The following KCNC4 variants were observed in gnomAD, a reference collection of about 807,000 sequenced individuals.
KCNC4 encodes the protein potassium voltage-gated channel subfamily C member 4.
In KCNC4, 23 loss-of-function variants were observed where a neutral mutation model predicts 42.8. The observed-to-expected ratio is 0.54, with a 90% CI of 0.39 to 0.76. The LOEUF (loss-of-function observed/expected upper bound fraction) is 0.76. Among genes scored for constraint, KCNC4 ranks in the 30% least tolerant of loss-of-function variants. The pLI is 0.00. For synonymous variants in KCNC4, 422 were observed against 393.5 expected, an observed-to-expected ratio of 1.07 and a Z score of -0.86; for missense variants, 751 against 898.2, an observed-to-expected ratio of 0.84 and a Z score of 2.10.
chr1:110,250,911 A>G (rs2603587), downstream of KCNC4, among the ~76,000 whole-genome samples: 109,192 of 152,132 alleles, frequency 0.72, 39,430 homozygotes, highest in African/African-American at 0.75. Flanking sequence ...GGACTGCCTT[A>G]AAGCCCTGGC....
intron 1 of KCNC4, among the ~76,000 whole-genome samples, chr1:110,216,769 C>A (rs1294793577): frequency 6.6e-6 from 1 of 152,154 alleles, no homozygotes; most frequent in Non-Finnish European, 1.5e-5. Context: ...CTTGCCATGA[C>A]CTCTGGCCCT....
chr1:110,257,431 A>G (rs1164511158), intron 1 of KCNC4, among the ~76,000 whole-genome samples: 5 of 151,638 alleles, frequency 3.3e-5, no homozygotes, highest in Admixed American at 3.3e-4. Flanking sequence ...AAAAAAGTCC[A>G]GGGACCGGGT....
Position 110,212,002 on chromosome 1 carries a change from G to T in KCNC4, c.503G>T (p.Gly168Val), listed in dbSNP as rs1657489677. The change falls in exon 1 of 4, where the codon GGC becomes GTC. Residue 168 changes from glycine (G) to valine (V), a missense_variant. Transcript: ENST00000438661. ...LDIFESPDGGGSGAGPSDEAG... is the reference protein window; with the variant it reads ...LDIFESPDGGVSGAGPSDEAG... ...ATCTTCGAGAGCCCGGACGGAGGCG[G>T]CAGCGGCGCGGGGCCCAGCGACGAG... The T allele has an allele frequency of 1.2e-6, 2 of 1,606,480 alleles. No individual in the cohort carries two copies. Among genetic ancestry groups the T allele is most frequent in the Non-Finnish European group, 1.7e-6 (2 of 1,177,666 alleles).
rs997411202 is a variant in KCNC4 at position 110,210,586 on chromosome 1, C to T, written c.-914C>T. On this transcript the variant is annotated 5_prime_UTR_variant, in exon 1 of 4. Transcript: ENST00000438661. The stretch of plus-strand genomic sequence containing the variant: ...AAGCCTGCAGGTGTCCTTGGCCGCT[C>T]GGCCGCCGCCCCCGGTACACCTTCG... 6.6e-6 allele frequency among the ~76,000 whole-genome samples: 1 copy of T among 151,584 alleles called. No individual in the cohort carries two copies. Among genetic ancestry groups the T allele is most frequent in the Admixed American group, 6.6e-5 (1 of 15,228 alleles).
intron 1 of KCNC4, among the ~76,000 whole-genome samples, chr1:110,258,805 G>T (rs1460353327): frequency 2.0e-5 from 3 of 152,138 alleles, no homozygotes; most frequent in Non-Finnish European, 4.4e-5. Flanking sequence ...AGCAGAAGTG[G>T]TGAATCCTCC....
chr1:110,265,709 C>G (rs1659531217), intron 1 of KCNC4, among the ~76,000 whole-genome samples: 1 of 152,198 alleles, frequency 6.6e-6, no homozygotes, highest in African/African-American at 2.4e-5. Context: ...GAACTCAGAG[C>G]CAGGGAAGAG....
chr1:110,253,460 T>A (rs74583595), downstream of KCNC4, among the ~76,000 whole-genome samples: 1 of 152,118 alleles, frequency 6.6e-6, no homozygotes, highest in Non-Finnish European at 1.5e-5. Context: ...ACAAACAGAG[T>A]GTTGAATAAA....
chr1:110,228,929 G>C (rs1658552810), intron 3 of KCNC4: 1 of 152,104 alleles, frequency 6.6e-6, no homozygotes, highest in Non-Finnish European at 1.5e-5. Flanking sequence ...TCCCCATATT[G>C]GCCTCTTCCT....
At position 110,223,045 on chromosome 1, in the gene KCNC4, G is replaced by T; in HGVS notation, c.760G>T (p.Asp254Tyr). Residue 254 changes from aspartate to tyrosine, a missense_variant, in exon 2 of 4, where the codon GAC (aspartate) becomes TAC (tyrosine). Physicochemically the swap from Asp to Tyr is radical, Grantham distance 160. Transcript: ENST00000438661. The surrounding 1 kb of genome is among the most constrained non-coding windows in gnomAD (Gnocchi z 7.5). ...CLETHEAFNI[D>Y]RNVTEILRVG... ...GGAGACCCATGAGGCCTTTAATATC[G>T]ACCGCAACGTGACAGAGATCCTCCG... The T allele has an allele frequency of 6.2e-7, 1 of 1,613,968 alleles. No individual in the cohort carries two copies. Among genetic ancestry groups the T allele is most frequent in the Non-Finnish European group, 8.5e-7 (1 of 1,180,020 alleles).
intron 1 of KCNC4, among the ~76,000 whole-genome samples, chr1:110,218,028 T>G (rs1469193166): frequency 1.3e-5 from 2 of 152,194 alleles, no homozygotes; most frequent in Non-Finnish European, 2.9e-5. Context: ...CAATTTTCCC[T>G]TCTCCTACAC....
intron 1 of KCNC4, among the ~76,000 whole-genome samples, chr1:110,254,185 T>G (rs1659293933): frequency 6.7e-6 from 1 of 150,330 alleles, no homozygotes; most frequent in Non-Finnish European, 1.5e-5. Context: ...ATCAGACATA[T>G]CTGGAGATGC....
chr1:110,275,538 T>C (rs1458188954), intron 1 of KCNC4, among the ~76,000 whole-genome samples: 1 of 152,184 alleles, frequency 6.6e-6, no homozygotes, highest in East Asian at 1.9e-4. Flanking sequence ...GAAATCATTA[T>C]ATAAAAAAGA....
chr1:110,223,518 C>T lies in KCNC4; in HGVS notation c.1233C>T (p.Asp411=). The change falls in exon 2 of 4, where the codon GAC becomes GAT. Residue 411 remains aspartate, a synonymous_variant. Coordinates refer to ENST00000438661, the MANE Select transcript of KCNC4 (RefSeq NM_001039574.3). This position sits in a 1 kb window ranked among gnomAD's most constrained non-coding sequence, Gnocchi z 7.5. ...AGCGCATTGGGGCCAGGCCCTCCGA[C>T]CCTCGGGGTAATGACCACACCGACT... ...YAERIGARPS[D]PRGNDHTDFK... is the part of the protein sequence containing the mutation. 6.2e-7 allele frequency: 1 copy of T among 1,613,908 alleles called. No homozygotes were observed. The highest frequency in any genetic ancestry group is 1.1e-5 in the South Asian group (1 of 91,088).
chr1:110,268,735 T>A (rs180775375), intron 1 of KCNC4, among the ~76,000 whole-genome samples: 3,248 of 148,794 alleles, frequency 0.022, 57 homozygotes, highest in African/African-American at 0.047. Flanking sequence ...ATTTTATTTT[T>A]TTTTTTTTTT....
rs375867898 is a variant in KCNC4, at chr1:110,212,318, C to A, written c.678+141C>A. The A allele has an allele frequency of 3.7e-5, 34 of 907,670 alleles. 1 individual carries two copies. In the Admixed American group the frequency reaches 4.2e-4, roughly 11 times the overall value. The allele number at this position is 907,670 out of a possible 1,614,324, so 56.2% of individuals were successfully genotyped here. A position where few individuals can be genotyped will look rare whatever the true frequency, so the allele number is the denominator to read the frequency against. ...TTGTTCCCGCCTTCCTCTCAACCCC[C>A]CTCCGTGGCTCGCAGGGGAATTACA... On this transcript the variant is annotated intron_variant, in intron 1 of 3. Coordinates refer to ENST00000438661, the MANE Select transcript of KCNC4 (RefSeq NM_001039574.3).
At position 110,232,964 on chromosome 1, in the gene KCNC4, C is replaced by T. The variant is rs1658774823; in HGVS notation, c.1873C>T (p.Leu625Phe). The T allele has an allele frequency of 6.2e-7, 1 of 1,610,888 alleles. No individual in the cohort carries two copies. Among genetic ancestry groups the T allele is most frequent in the Non-Finnish European group, 8.5e-7 (1 of 1,178,778 alleles). ...SNYAQAEVLT[L>F]S ...CTATGCCCAGGCTGAAGTCCTCACCCTCTCTTAAAGCGGCACCAACGTGAG... is the reference window on the plus strand; with the variant it reads ...CTATGCCCAGGCTGAAGTCCTCACCTTCTCTTAAAGCGGCACCAACGTGAG... Residue 625 changes from leucine (L) to phenylalanine (F), a missense_variant, in exon 4 of 4, where the codon CTC (leucine) becomes TTC (phenylalanine). Transcript: ENST00000438661.
exon 4 of KCNC4, chr1:110,245,382 A>C (rs1425127021): frequency 1.3e-5 from 2 of 152,194 alleles, no homozygotes; most frequent in East Asian, 3.8e-4. Flanking sequence ...AACTCAGTTC[A>C]CCCTGCTGCT....
At chr1:110,249,978 C>T (rs1659221538), downstream of KCNC4, among the ~76,000 whole-genome samples, 1 of 152,192 alleles carries the variant, frequency 6.6e-6, no homozygotes, top group Admixed American at 6.5e-5. Flanking sequence ...TAAGTGGAAT[C>T]ATACGTTTTC....
chr1:110,273,724 C>T (rs1190923795), intron 1 of KCNC4, among the ~76,000 whole-genome samples: 1 of 152,158 alleles, frequency 6.6e-6, no homozygotes, highest in African/African-American at 2.4e-5. Flanking sequence ...AAGCACATGC[C>T]CACTGGATAT....
Sources: gnomAD v4.1 joint callset for allele counts (sites outside exome capture counted in the v4.1 genomes callset) on GRCh38, gnomAD v4.1.1 for gene constraint, Gnocchi (gnomAD v3.1) non-coding constraint, MANE v1.5 for transcripts, NCBI Gene and HGNC (gene_info 2026-07-23, HGNC 2026-07-21) for gene names.